Variants in EIF5A observed in about 807,000 individuals in gnomAD.
EIF5A encodes eukaryotic translation initiation factor 5A-1.
In EIF5A, 1 loss-of-function variant was observed where a neutral mutation model predicts 16.6. The observed-to-expected ratio is 0.06, with a 90% CI of 0.02 to 0.28. The LOEUF is 0.28. Ranked by LOEUF, EIF5A falls within the 10% of genes least tolerant of loss-of-function variation. EIF5A has a pLI of 1.00. For missense variants in EIF5A, 29 were observed against 196.1 expected, an observed-to-expected ratio of 0.15 and a Z score of 5.09; for synonymous variants, 80 against 73.6, an observed-to-expected ratio of 1.09 and a Z score of -0.44.
At position 7,310,535 on chromosome 17, in the gene EIF5A, G is replaced by C. The variant is rs180801328; in HGVS notation, c.166-483G>C. 1.2e-4 allele frequency: 139 copies of C among 1,124,490 alleles called. No homozygotes were observed. In the East Asian group the frequency reaches 7.5e-3, roughly 60 times the overall value. 69.7% of individuals were successfully genotyped at this position (1,124,490 alleles called of 1,614,324 possible). ...TTCTCTAGTGTCTGGATCCCTCTCT[G>C]TGCTCTTCTGGCTTCCTTATTTTCT... On this transcript the variant is annotated intron_variant, in intron 2 of 5. Coordinates refer to ENST00000336458, the MANE Select transcript of EIF5A (RefSeq NM_001970.5).
Position 7,310,979 on chromosome 17 carries a change from G to C in EIF5A, c.166-39G>C, listed in dbSNP as rs750238263. On this transcript the variant is annotated intron_variant, in intron 2 of 5. Transcript: ENST00000336458. ...TTGAGCCTTTATTTCCTCCGTTTTA[G>C]AGTTTGGTTGGGTTTCTCTTTGTGA... 7.6e-6 allele frequency: 12 copies of C among 1,588,074 alleles called. No individual in the cohort carries two copies. Among genetic ancestry groups the C allele is most frequent in the Admixed American group, 7.0e-5 (4 of 57,244 alleles).
upstream of EIF5A, chr17:7,307,042 C>T: frequency 1.9e-6 from 3 of 1,592,602 alleles, no homozygotes; most frequent in South Asian, 1.2e-5. Context: ...AGACATCTCC[C>T]GCGCATGTGT....
At chr17:7,310,580 A>T in intron 2 of EIF5A, 2 of 1,063,490 alleles carry the variant, frequency 1.9e-6, no homozygotes, top group Non-Finnish European at 2.3e-6. Context: ...GTTATTTCTG[A>T]TCTCCCTGCA....
intron 2 of EIF5A, chr17:7,310,742 C>G (rs1324494421): frequency 1.0e-6 from 1 of 985,300 alleles, no homozygotes; most frequent in African/African-American, 1.7e-5. Flanking sequence ...AGACTCTTAG[C>G]ATCTTATCTT....
At chr17:7,307,047 A>C (rs764776600), upstream of EIF5A, 1 of 1,596,682 alleles carries the variant, frequency 6.3e-7, no homozygotes, top group East Asian at 2.3e-5. Context: ...TCTCCCGCGC[A>C]TGTGTGGAAC....
Position 7,309,286 on chromosome 17 carries a change from G to GT in EIF5A, c.-21-328dup, listed in dbSNP as rs559488866. ...GAGGGGTGGTTGGTTTCAGTGGCAA[G>GT]TAACACCTGAGTCCTCCCCACTCCC... On this transcript the variant is annotated intron_variant, in intron 1 of 5. Coordinates refer to ENST00000336458, the MANE Select transcript of EIF5A (RefSeq NM_001970.5). Among the ~76,000 whole-genome samples the GT allele has an allele frequency of 7.9e-5, 12 of 151,336 alleles. No homozygotes were observed. The South Asian group carries it at 2.5e-3, about 32-fold the overall frequency.
chr17:7,308,590 T>G, intron 1 of EIF5A: 1 of 1,345,684 alleles, frequency 7.4e-7, no homozygotes, highest in East Asian at 4.7e-5. Context: ...GTGGCACCCC[T>G]TCGAGCTGGG....
chr17:7,309,282 G>A (rs1298415989), intron 1 of EIF5A, among the ~76,000 whole-genome samples: 1 of 151,952 alleles, frequency 6.6e-6, no homozygotes. Context: ...GGTTTCAGTG[G>A]CAAGTAACAC....
chr17:7,310,527 C>G (rs1165462804), intron 2 of EIF5A: 1 of 1,147,832 alleles, frequency 8.7e-7, no homozygotes, highest in Non-Finnish European at 1.1e-6. Context: ...GTGTCTGGAT[C>G]CCTCTCTGTG....
chr17:7,311,206 T>C lies in EIF5A; in HGVS notation c.270+84T>C, dbSNP rs1042327510. 4.4e-6 allele frequency: 7 copies of C among 1,580,536 alleles called. No homozygotes were observed. The Admixed American group carries it at 1.2e-4, about 28-fold the overall frequency. On this transcript the variant is annotated intron_variant, in intron 3 of 5. Transcript: ENST00000336458. ...GGGATAGGGACTGACCAGGAGAGCTTGTGCTGGGAGAGAGGAGGGAAATGG... is the reference window on the plus strand; with the variant it reads ...GGGATAGGGACTGACCAGGAGAGCTCGTGCTGGGAGAGAGGAGGGAAATGG...
chr17:7,307,785 C>T (rs1408522029), intron 1 of EIF5A, 33 bp downstream of exon 1: 5 of 987,676 alleles, frequency 5.1e-6, no homozygotes, highest in Non-Finnish European at 4.8e-6. Context: ...TGCGCGGTAC[C>T]TTGGCTTGGG....
At chr17:7,308,243 C>G in intron 1 of EIF5A, 1 of 1,021,038 alleles carries the variant, frequency 9.8e-7, no homozygotes, top group African/African-American at 1.8e-5. Context: ...ACCGGAAGTG[C>G]CCCCCACGGG....
At chr17:7,308,487 C>CT in intron 1 of EIF5A, 1 of 1,350,208 alleles carries the variant, frequency 7.4e-7, no homozygotes, top group Non-Finnish European at 9.8e-7. Flanking sequence ...GGAGGGCCTG[C>CT]TGCAGGCATA....
chr17:7,310,783 C>T (rs2072799635), intron 2 of EIF5A: 1 of 985,304 alleles, frequency 1.0e-6, no homozygotes, highest in Admixed American at 6.2e-5. Context: ...TCCAAGCCTG[C>T]CATGCAGTTT....
chr17:7,307,317 G>C (rs1445319321), upstream of EIF5A: 14 of 1,183,732 alleles, frequency 1.2e-5, no homozygotes, highest in Non-Finnish European at 1.4e-5. Context: ...GTGGAGTGCA[G>C]GGCTCCTTAT....
At position 7,308,657 on chromosome 17, in the gene EIF5A, C is replaced by T. The variant is rs2072713500; in HGVS notation, c.-22+905C>T. ...GACAGGAGCCCAACTTTTCTGTCGG[C>T]CTGGGTGGACAGCGCCTAAAAGCCT... On this transcript the variant is annotated intron_variant, in intron 1 of 5. Coordinates refer to ENST00000336458, the MANE Select transcript of EIF5A (RefSeq NM_001970.5). 4 of 1,242,736 alleles carry T rather than the reference C, an allele frequency of 3.2e-6. No homozygotes were observed. The South Asian group carries it at 3.7e-5, about 11-fold the overall frequency. 77.0% of individuals were successfully genotyped at this position (1,242,736 alleles called of 1,614,324 possible). A position where few individuals can be genotyped will look rare whatever the true frequency, so the allele number is the denominator to read the frequency against.
chr17:7,307,685 A>G lies in EIF5A; in HGVS notation c.-89A>G, dbSNP rs906626756. 1.2e-4 allele frequency: 128 copies of G among 1,046,678 alleles called. No homozygotes were observed. Among genetic ancestry groups the G allele is most frequent in the Non-Finnish European group, 1.4e-4 (120 of 868,756 alleles). The allele number at this position is 1,046,678 out of a possible 1,614,324, so 64.8% of individuals were successfully genotyped here. On this transcript the variant is annotated 5_prime_UTR_variant, in exon 1 of 6. Transcript: ENST00000336458. ...CGGTAGAGGCGGCGGCGGCGGCGGC[A>G]GCGGGCTCGGAGGCAGCGGTTGGGC...
intron 2 of EIF5A, chr17:7,310,434 GTTC>G: frequency 8.5e-7 from 1 of 1,176,452 alleles, no homozygotes; most frequent in African/African-American, 1.6e-5. Flanking sequence ...AACCTGATTC[GTTC>G]TTGTTGAATT....
intron 1 of EIF5A, among the ~76,000 whole-genome samples, chr17:7,308,816 A>G (rs1314892835): frequency 6.6e-6 from 1 of 151,938 alleles, no homozygotes; most frequent in Non-Finnish European, 1.5e-5. Flanking sequence ...ACTACTCACT[A>G]CTACCAACCT....
Sources: allele counts gnomAD v4.1 joint callset (sites outside exome capture counted in the v4.1 genomes callset), GRCh38; gene constraint gnomAD v4.1.1; transcripts MANE v1.5; gene names NCBI Gene and HGNC (gene_info 2026-07-23, HGNC 2026-07-21).